FOXN3: variants seen among roughly 807,000 people sequenced by gnomAD.
FOXN3 encodes the protein forkhead box protein N3.
FOXN3 carries 7 observed loss-of-function variants against 38.4 expected under a neutral mutation model. That is an observed-to-expected ratio of 0.18 (90% CI 0.10 to 0.34). The LOEUF (loss-of-function observed/expected upper bound fraction) is 0.34, where lower values mean the gene tolerates loss of function less well. Among genes scored for constraint, FOXN3 ranks in the 10% least tolerant of loss-of-function variants. FOXN3 has a pLI of 1.00. For missense variants in FOXN3, 456 were observed against 613.4 expected (o/e 0.74, Z 2.71); for synonymous variants, 230 against 242.2 (o/e 0.95, Z 0.47).
At chr14:89,485,025 G>A (rs373909451) in intron 1 of FOXN3, among the ~76,000 whole-genome samples, 43 of 152,066 alleles carry the variant, frequency 2.8e-4, no homozygotes, top group South Asian at 8.3e-4. Context: ...GGTGGTGGAC[G>A]TCTGTAGCCC....
At chr14:89,168,441 G>A (rs1190781487) in intron 5 of FOXN3, among the ~76,000 whole-genome samples, 4 of 152,068 alleles carry the variant, frequency 2.6e-5, no homozygotes, top group Admixed American at 1.3e-4. Context: ...GACTAGCCTG[G>A]GCAACATAGC....
chr14:89,352,802 C>T (rs971990419), intron 2 of FOXN3, among the ~76,000 whole-genome samples: 2 of 152,100 alleles, frequency 1.3e-5, no homozygotes, highest in African/African-American at 4.8e-5. Context: ...GGGAAATAAC[C>T]GTAAGCCAAG....
rs992574677 is a variant in FOXN3 at position 89,164,587 on chromosome 14, G to A, written c.852-1618C>T. ...GGGTGTGGTTACTGCTAGGCCCCCA[G>A]TGGCTATCGCCGTGTCAGCACGGTG... is the stretch of plus-strand genomic sequence containing the variant. On this transcript the variant is annotated intron_variant, in intron 5 of 5. Coordinates refer to ENST00000557258, the MANE Select transcript of FOXN3 (RefSeq NM_005197.4). The surrounding 1 kb of genome is among the most constrained non-coding windows in gnomAD (Gnocchi z 4.3). Among the ~76,000 whole-genome samples the A allele has an allele frequency of 6.6e-6, 1 of 152,200 alleles. No individual in the cohort carries two copies. The highest frequency in any genetic ancestry group is 1.9e-4 in the East Asian group (1 of 5,186).
At chr14:89,383,029 GTTTTTTT>G (rs57032907) in intron 2 of FOXN3, among the ~76,000 whole-genome samples, 12 of 92,514 alleles carry the variant, frequency 1.3e-4, no homozygotes, top group African/African-American at 4.9e-4. Context: ...TTTGGGTGGT[GTTTTTTT>G]TTTTTTTTTT....
At chr14:89,572,280 C>T (rs1566704638) in intron 1 of FOXN3, among the ~76,000 whole-genome samples, 1 of 152,162 alleles carries the variant, frequency 6.6e-6, no homozygotes, top group Non-Finnish European at 1.5e-5. Flanking sequence ...GAGAATATAA[C>T]TTTAGAAGCA....
At chr14:89,479,430 C>T (rs1432877763) in intron 1 of FOXN3, among the ~76,000 whole-genome samples, 1 of 152,178 alleles carries the variant, frequency 6.6e-6, no homozygotes, top group Non-Finnish European at 1.5e-5. Context: ...TAGTGCAATT[C>T]CAAAATGGCT....
At chr14:89,495,028 T>C (rs1318277417) in intron 1 of FOXN3, among the ~76,000 whole-genome samples, 9 of 152,242 alleles carry the variant, frequency 5.9e-5, no homozygotes, top group Admixed American at 2.0e-4. Context: ...TGTATGGTTA[T>C]TGGTGCACTG....
chr14:89,295,473 G>C (rs1015504155), intron 3 of FOXN3, among the ~76,000 whole-genome samples: 2 of 152,198 alleles, frequency 1.3e-5, no homozygotes, highest in Admixed American at 6.5e-5. Flanking sequence ...AACCTGGCCA[G>C]GTTCACAGCA....
rs759234138 is a variant in FOXN3, at chr14:89,413,736, GGGA to G, written c.-14-1249_-14-1247del. 2.2e-3 allele frequency among the ~76,000 whole-genome samples: 304 copies of G among 138,356 alleles called. 1 individual carries two copies. The highest frequency in any genetic ancestry group is 6.8e-3 in the South Asian group (27 of 3,980). 90.8% of individuals were successfully genotyped at this position (138,356 alleles called of 152,430 possible). On this transcript the variant is annotated intron_variant, in intron 1 of 5. Coordinates refer to ENST00000557258, the MANE Select transcript of FOXN3 (RefSeq NM_005197.4). Reference sequence around the variant, plus strand: ...GAACGGAAGAGAAGGGGGAAGGGAAGGGAGAAGGGAAGGGAAGGAAGAAGGGAA... The same window carrying G: ...GAACGGAAGAGAAGGGGGAAGGGAAGGAAGGGAAGGGAAGGAAGAAGGGAA...
intron 1 of FOXN3, among the ~76,000 whole-genome samples, chr14:89,554,268 G>A (rs543225727): frequency 6.6e-6 from 1 of 152,138 alleles, no homozygotes; most frequent in East Asian, 1.9e-4. Context: ...CTAAAGTGCT[G>A]GGATTATAGG....
Position 89,446,253 on chromosome 14 carries a change from A to G in FOXN3, c.-14-33763T>C, listed in dbSNP as rs560127254. On this transcript the variant is annotated intron_variant, in intron 1 of 6. Coordinates refer to the FOXN3 transcript ENST00000345097. ...CCCCATGCTGGAGTGCGAAGGCCCA[A>G]TCTCGGCTCACTGCAACCTCCACCT... is the stretch of plus-strand genomic sequence containing the variant. 2.5e-3 allele frequency among the ~76,000 whole-genome samples: 328 copies of G among 130,552 alleles called. 2 individuals are homozygous for G. Among genetic ancestry groups the G allele is most frequent in the African/African-American group, 9.1e-3 (315 of 34,664 alleles). 85.6% of individuals were successfully genotyped at this position (130,552 alleles called of 152,430 possible). A position where few individuals can be genotyped will look rare whatever the true frequency, so the allele number is the denominator to read the frequency against.
At chr14:89,545,352 G>C (rs1894864210) in intron 1 of FOXN3, among the ~76,000 whole-genome samples, 1 of 152,204 alleles carries the variant, frequency 6.6e-6, no homozygotes, top group Non-Finnish European at 1.5e-5. Flanking sequence ...GAGGGTAAAT[G>C]CAACCAAAAC....
intron 3 of FOXN3, among the ~76,000 whole-genome samples, chr14:89,325,362 T>TACCACTACCACC (rs1888047211): frequency 2.8e-5 from 1 of 35,866 alleles, no homozygotes; most frequent in Non-Finnish European, 5.9e-5. Flanking sequence ...CCACCACCAC[T>TACCACTACCACC]ACCACCACCG....
intron 4 of FOXN3, among the ~76,000 whole-genome samples, chr14:89,220,737 C>T (rs1324644201): frequency 1.3e-5 from 2 of 152,146 alleles, no homozygotes; most frequent in Non-Finnish European, 2.9e-5. Flanking sequence ...AGCATCAGTA[C>T]TCCTATCAGA....
intron 4 of FOXN3, among the ~76,000 whole-genome samples, chr14:89,211,748 C>G (rs772058858): frequency 1.3e-5 from 2 of 152,160 alleles, no homozygotes; most frequent in African/African-American, 4.8e-5. Context: ...CAGAACAGAA[C>G]GAAATTCTCT....
chr14:89,428,850 G>A (rs551254233), intron 1 of FOXN3, among the ~76,000 whole-genome samples: 8 of 152,344 alleles, frequency 5.3e-5, no homozygotes, highest in Admixed American at 3.9e-4. Context: ...GGCATGCCAC[G>A]GTGTCCTGGA....
chr14:89,558,023 C>CA (rs899574117), intron 1 of FOXN3, among the ~76,000 whole-genome samples: 11 of 151,550 alleles, frequency 7.3e-5, no homozygotes, highest in African/African-American at 2.4e-4. Context: ...AACAAATAAA[C>CA]AAAAAAAGAA....
intron 1 of FOXN3, among the ~76,000 whole-genome samples, chr14:89,582,357 T>A (rs940375505): frequency 1.2e-4 from 18 of 152,202 alleles, no homozygotes; most frequent in Admixed American, 3.3e-4. Context: ...CCATGCATAG[T>A]GTTCAGCACA....
intron 1 of FOXN3, among the ~76,000 whole-genome samples, chr14:89,617,037 CTTTT>C (rs1305006487): frequency 1.3e-5 from 2 of 151,486 alleles, no homozygotes; most frequent in Non-Finnish European, 2.9e-5. Flanking sequence ...GTTTTTGTTT[CTTTT>C]TAAGTGGTGG....
Sources: gnomAD v4.1 joint callset for allele counts (sites outside exome capture counted in the v4.1 genomes callset) on GRCh38, gnomAD v4.1.1 for gene constraint, Gnocchi (gnomAD v3.1) non-coding constraint, MANE v1.5 for transcripts, NCBI Gene and HGNC (gene_info 2026-07-23, HGNC 2026-07-21) for gene names.